The following PCDH15 variants were observed in gnomAD, a reference collection of about 807,000 sequenced individuals.
The protein encoded by PCDH15 is protocadherin related 15.
PCDH15 carries 129 observed loss-of-function variants against 178.5 expected under a neutral mutation model. The ratio of observed to expected loss-of-function variants is 0.72; its 90% confidence interval spans 0.63 to 0.84. The LOEUF is 0.84. PCDH15 is among the 40% of genes least tolerant of loss of function. The pLI is 0.00. For missense variants in PCDH15, 2,230 were observed against 2,099.9 expected (o/e 1.06, Z -1.21); for synonymous variants, 800 against 732.0 (o/e 1.09, Z -1.50).
chr10:53,868,774 A>G (rs1182448669), intron 26 of PCDH15, among the ~76,000 whole-genome samples: 2 of 152,310 alleles, frequency 1.3e-5, no homozygotes, highest in East Asian at 1.9e-4. Flanking sequence ...AAACTACTCA[A>G]CACAGATAAT....
At chr10:54,065,998 A>G (rs2094130654) in intron 18 of PCDH15, among the ~76,000 whole-genome samples, 1 of 152,162 alleles carries the variant, frequency 6.6e-6, no homozygotes, top group South Asian at 2.1e-4. Context: ...TAGGACCCTG[A>G]ACTCTGGGTT....
At chr10:54,474,131 G>A (rs1331171599) in intron 3 of PCDH15, among the ~76,000 whole-genome samples, 1 of 151,828 alleles carries the variant, frequency 6.6e-6, no homozygotes, top group Admixed American at 6.6e-5. Context: ...TAATGAATAT[G>A]CTATTTTTCT....
intron 2 of PCDH15, among the ~76,000 whole-genome samples, chr10:55,480,112 G>A (rs1931699): frequency 6.6e-6 from 1 of 151,336 alleles, no homozygotes; most frequent in Admixed American, 6.6e-5. Flanking sequence ...TAATGTTATC[G>A]ATTTTCCTGC....
chr10:55,223,249 G>T (rs1235406576), intron 1 of PCDH15, among the ~76,000 whole-genome samples: 1 of 152,060 alleles, frequency 6.6e-6, no homozygotes, highest in African/African-American at 2.4e-5. Flanking sequence ...GTGCCAAGAG[G>T]CTATTGCCAA....
intron 15 of PCDH15, among the ~76,000 whole-genome samples, chr10:54,098,079 A>G (rs2094732653): frequency 6.6e-6 from 1 of 152,162 alleles, no homozygotes; most frequent in Admixed American, 6.6e-5. Context: ...CTGAATTTAC[A>G]GTAAAACAAA....
intron 1 of PCDH15, among the ~76,000 whole-genome samples, chr10:54,734,249 G>C (rs1172312171): frequency 6.6e-6 from 1 of 151,880 alleles, no homozygotes; most frequent in Non-Finnish European, 1.5e-5. Flanking sequence ...TGTGGGCAAA[G>C]TTCAGTACAG....
chr10:54,597,612 G>T (rs1238807630), intron 2 of PCDH15, among the ~76,000 whole-genome samples: 2 of 151,900 alleles, frequency 1.3e-5, no homozygotes, highest in Non-Finnish European at 2.9e-5. Context: ...CCCAAAGCTA[G>T]CAGAAGATAA....
chr10:54,694,237 G>A (rs1324914948), intron 1 of PCDH15, among the ~76,000 whole-genome samples: 1 of 152,138 alleles, frequency 6.6e-6, no homozygotes, highest in Non-Finnish European at 1.5e-5. Flanking sequence ...GGCTTATTCT[G>A]TTTAGAAGAA....
At chr10:53,977,405 C>T (rs1219480955) in intron 21 of PCDH15, among the ~76,000 whole-genome samples, 1 of 152,214 alleles carries the variant, frequency 6.6e-6, no homozygotes, top group African/African-American at 2.4e-5. Context: ...CTCTCCTTGG[C>T]TGCATGTGGC....
intron 2 of PCDH15, chr10:54,655,962 G>C (rs2094397348): frequency 6.6e-6 from 1 of 152,102 alleles, no homozygotes; most frequent in Admixed American, 6.5e-5. Context: ...GGCATATATG[G>C]TATGTAATCT....
chr10:54,330,704 G>A (rs796120990), intron 6 of PCDH15, among the ~76,000 whole-genome samples: 3 of 152,000 alleles, frequency 2.0e-5, no homozygotes, highest in African/African-American at 7.2e-5. Flanking sequence ...TCTGGTATAA[G>A]CAGCCCTCAG....
intron 17 of PCDH15, 71 bp downstream of exon 17, chr10:54,079,260 A>G: frequency 7.3e-7 from 1 of 1,363,584 alleles, no homozygotes; most frequent in Non-Finnish European, 1.1e-6. Context: ...CATGTCTGTG[A>G]TACATTGTTT....
chr10:54,937,518 C>G, intron 2 of PCDH15, among the ~76,000 whole-genome samples: 1 of 151,784 alleles, frequency 6.6e-6, no homozygotes, highest in East Asian at 1.9e-4. Flanking sequence ...TTCGCCGTGT[C>G]TAAGACTTTC....
At chr10:53,981,696 G>C (rs1444885134) in intron 21 of PCDH15, among the ~76,000 whole-genome samples, 2 of 149,992 alleles carry the variant, frequency 1.3e-5, no homozygotes, top group East Asian at 3.9e-4. Flanking sequence ...TTAAACGTTA[G>C]ACCTAAAACC....
chr10:54,246,191 C>T (rs759425840), intron 8 of PCDH15, among the ~76,000 whole-genome samples: 1 of 151,796 alleles, frequency 6.6e-6, no homozygotes, highest in East Asian at 1.9e-4. Context: ...TTATGAGATA[C>T]CTTCCTAAAT....
Position 53,833,479 on chromosome 10 carries a change from C to T in PCDH15, c.3984-1946G>A, listed in dbSNP as rs181844477. On this transcript the variant is annotated intron_variant, in intron 29 of 37. Coordinates refer to ENST00000644397, the MANE Select transcript of PCDH15 (RefSeq NM_001384140.1). Reference sequence around the variant, plus strand: ...CTGGGTAAAAATTCTTGAGTCATAACATTATCCCTTACAAAACAGCAAAAT... The same window carrying T: ...CTGGGTAAAAATTCTTGAGTCATAATATTATCCCTTACAAAACAGCAAAAT... 7.4e-4 allele frequency among the ~76,000 whole-genome samples: 112 copies of T among 152,132 alleles called. 2 individuals are homozygous for T. In the East Asian group the frequency reaches 0.018, roughly 25 times the overall value.
chr10:55,530,603 A>G (rs1421934073), intron 2 of PCDH15, among the ~76,000 whole-genome samples: 2 of 152,006 alleles, frequency 1.3e-5, no homozygotes, highest in Non-Finnish European at 2.9e-5. Context: ...AAGTAACAAC[A>G]TAAGTCCCTG....
At chr10:55,561,472 G>T (rs745470661) in intron 2 of PCDH15, among the ~76,000 whole-genome samples, 6 of 151,832 alleles carry the variant, frequency 4.0e-5, no homozygotes, top group Non-Finnish European at 7.4e-5. Flanking sequence ...AATAAAAATT[G>T]TTTATGAATG....
At chr10:55,368,829 G>A (rs1845426105) in intron 2 of PCDH15, among the ~76,000 whole-genome samples, 1 of 151,944 alleles carries the variant, frequency 6.6e-6, no homozygotes, top group African/African-American at 2.4e-5. Flanking sequence ...CCATACAAGT[G>A]TATTTTTTAT....
Sources: allele counts gnomAD v4.1 joint callset (sites outside exome capture counted in the v4.1 genomes callset), GRCh38; gene constraint gnomAD v4.1.1; transcripts MANE v1.5; gene names NCBI Gene and HGNC (gene_info 2026-07-23, HGNC 2026-07-21).